The following CHMP4C variants were observed in gnomAD, a reference collection of about 807,000 sequenced individuals.
CHMP4C encodes SNF7 homolog associated with Alix 3.
CHMP4C carries 28 observed loss-of-function variants against 29.0 expected under a neutral mutation model. That is an observed-to-expected ratio of 0.97 (90% CI 0.72 to 1.32). The LOEUF (loss-of-function observed/expected upper bound fraction) is 1.32. Ranked by LOEUF, CHMP4C falls within the 40% of genes most tolerant of loss-of-function variation. CHMP4C has a pLI of 0.00. For missense variants in CHMP4C, 291 were observed against 281.0 expected (o/e 1.04, Z -0.25); for synonymous variants, 106 against 102.4 (o/e 1.04, Z -0.21).
At chr8:81,755,812 G>T (rs1244074938) in intron 3 of CHMP4C, among the ~76,000 whole-genome samples, 2 of 152,194 alleles carry the variant, frequency 1.3e-5, no homozygotes, top group Non-Finnish European at 2.9e-5. Flanking sequence ...AAACAAAGTA[G>T]ACTTCGTCAT....
chr8:81,734,465 G>T (rs1808659885), intron 1 of CHMP4C, among the ~76,000 whole-genome samples: 1 of 139,178 alleles, frequency 7.2e-6, no homozygotes, highest in Non-Finnish European at 1.6e-5. Flanking sequence ...CGAGTCGCTG[G>T]GATTACAGGC....
intron 1 of CHMP4C, among the ~76,000 whole-genome samples, chr8:81,747,034 C>T (rs1235116584): frequency 1.3e-5 from 2 of 152,182 alleles, no homozygotes; most frequent in East Asian, 1.9e-4. Context: ...CATAGCCTTA[C>T]ATGTGAATGA....
intron 1 of CHMP4C, among the ~76,000 whole-genome samples, chr8:81,748,010 A>G (rs1206855958): frequency 2.0e-5 from 3 of 152,098 alleles, no homozygotes; most frequent in African/African-American, 7.2e-5. Context: ...TGCAATCTCG[A>G]CCATAAAAGA....
chr8:81,746,393 A>G (rs781374312), intron 1 of CHMP4C, among the ~76,000 whole-genome samples: 19 of 152,230 alleles, frequency 1.2e-4, no homozygotes, highest in African/African-American at 1.9e-4. Flanking sequence ...TGCTGCTTCC[A>G]TTAGATCAGG....
At chr8:81,748,032 C>T (rs1013847456) in intron 1 of CHMP4C, among the ~76,000 whole-genome samples, 6 of 145,758 alleles carry the variant, frequency 4.1e-5, no homozygotes, top group South Asian at 2.2e-4. Flanking sequence ...AGGTACGCCC[C>T]GGGGCGGCCA....
chr8:81,753,084 A>G lies in CHMP4C; in HGVS notation c.211A>G (p.Arg71Gly), dbSNP rs1215596142. 3 of 1,610,640 alleles carry G rather than the reference A, an allele frequency of 1.9e-6. No individual in the cohort carries two copies. Among genetic ancestry groups the G allele is most frequent in the Non-Finnish European group, 1.7e-6 (2 of 1,178,370 alleles). Reference protein sequence around the residue: ...NKRAALQALKRKKRFEKQLTQ... With the variant: ...NKRAALQALKGKKRFEKQLTQ... ...TTTAGCTGCATTACAGGCACTAAAG[A>G]GAAAGAAGAGGTTCGAGAAACAGCT... is the stretch of plus-strand genomic sequence containing the variant. The change falls in exon 2 of 5, where the codon AGA becomes GGA. Residue 71 changes from arginine to glycine, a missense_variant. By Grantham distance (125) the Arg-to-Gly change is moderately radical (BLOSUM62 -2). Transcript: ENST00000297265.
chr8:81,753,168 TCA>T lies in CHMP4C; in HGVS notation c.301_302del (p.Thr101GlnfsTer3). The stretch of plus-strand genomic sequence containing the variant: ...GTTCCAGAGAGAAGCCCTGGAGAAC[TCA>T]CACACCAACACTGAGGTGTTGAGGA... ...IEFQREALEN[S>X]HTNTEVLRNM... On this transcript the variant is annotated frameshift_variant, in exon 2 of 5. Transcript: ENST00000297265. LOFTEE classifies it high-confidence loss of function. 6.2e-7 allele frequency: 1 copy of T among 1,612,588 alleles called. No homozygotes were observed. The highest frequency in any genetic ancestry group is 1.7e-5 in the Admixed American group (1 of 59,908).
At chr8:81,757,144 T>C (rs1306377040) in intron 3 of CHMP4C, among the ~76,000 whole-genome samples, 1 of 152,104 alleles carries the variant, frequency 6.6e-6, no homozygotes, top group East Asian at 1.9e-4. Flanking sequence ...TTATGTGCCT[T>C]CCCCCCACAT....
intron 3 of CHMP4C, among the ~76,000 whole-genome samples, chr8:81,757,505 G>T (rs1808986964): frequency 6.6e-6 from 1 of 152,132 alleles, no homozygotes; most frequent in Admixed American, 6.6e-5. Flanking sequence ...CATTTTTAAG[G>T]TCTCAAACTA....
At chr8:81,739,627 T>A (rs1333630233) in intron 1 of CHMP4C, among the ~76,000 whole-genome samples, 1 of 152,238 alleles carries the variant, frequency 6.6e-6, no homozygotes, top group Non-Finnish European at 1.5e-5. Context: ...ACCTGAGACA[T>A]GGGCACCTAG....
At chr8:81,733,655 G>C (rs889950856) in intron 1 of CHMP4C, among the ~76,000 whole-genome samples, 36 of 152,164 alleles carry the variant, frequency 2.4e-4, no homozygotes, top group African/African-American at 8.0e-4. Context: ...TTCTTTGCCA[G>C]AGTTAACTGA....
At chr8:81,733,310 C>T (rs1334156728) in intron 1 of CHMP4C, among the ~76,000 whole-genome samples, 1 of 151,916 alleles carries the variant, frequency 6.6e-6, no homozygotes, top group Non-Finnish European at 1.5e-5. Context: ...TGAGTGTTTT[C>T]GCACCCCTGT....
chr8:81,739,419 G>GC (rs1554592448), intron 1 of CHMP4C, among the ~76,000 whole-genome samples: 12 of 15,498 alleles, frequency 7.7e-4, no homozygotes, highest in African/African-American at 1.7e-3. Flanking sequence ...GGGGGATTGT[G>GC]GGGGGGGGTG....
rs776708924 is a variant in CHMP4C, at chr8:81,753,116, G to A, written c.243G>A (p.Gln81=). ...RKKRFEKQLT[Q]IDGTLSTIEF... ...AGAGGTTCGAGAAACAGCTCACTCA[G>A]ATTGATGGCACACTTTCTACCATTG... Residue 81 remains glutamine (Q), a synonymous_variant, in exon 2 of 5, where the codon CAG becomes CAA. Transcript: ENST00000297265. 15 of 1,612,728 alleles carry A rather than the reference G, an allele frequency of 9.3e-6. No individual in the cohort carries two copies. The highest frequency in any genetic ancestry group is 1.3e-5 in the Non-Finnish European group (15 of 1,179,224).
chr8:81,743,843 C>G (rs1230812528), intron 1 of CHMP4C, among the ~76,000 whole-genome samples: 2 of 152,148 alleles, frequency 1.3e-5, no homozygotes, highest in African/African-American at 4.8e-5. Context: ...ACCTTAATTT[C>G]CTTTGCCCGT....
Position 81,747,173 on chromosome 8 carries a change from T to G in CHMP4C, c.191-5891T>G, listed in dbSNP as rs193057832. Among the ~76,000 whole-genome samples the G allele has an allele frequency of 2.0e-3, 297 of 152,296 alleles. 2 individuals carry two copies. The highest frequency in any genetic ancestry group is 6.4e-3 in the African/African-American group (267 of 41,564). On this transcript the variant is annotated intron_variant, in intron 1 of 4. Coordinates refer to ENST00000297265, the MANE Select transcript of CHMP4C (RefSeq NM_152284.4). ...ATGAGTACAGGTCATGCATCACGAT[T>G]ATTACACACAGGTATTAAGTGGTTT...
Position 81,739,422 on chromosome 8 carries a change from G to GC in CHMP4C, c.190+6606_190+6607insC, listed in dbSNP as rs1554592463. Among the ~76,000 whole-genome samples the GC allele has an allele frequency of 1.7e-4, 24 of 143,358 alleles. 1 individual carries two copies. Among genetic ancestry groups the GC allele is most frequent in the Non-Finnish European group, 3.2e-4 (21 of 65,382 alleles). 94.0% of individuals were successfully genotyped at this position (143,358 alleles called of 152,430 possible). On this transcript the variant is annotated intron_variant, in intron 1 of 4. Transcript: ENST00000297265. ...ATTCTAAGGCCTGGGGGATTGTGGG[G>GC]GGGGGTGGAAAAAAAAAAAGTCTTA...
At chr8:81,745,453 A>G (rs990127840) in intron 1 of CHMP4C, among the ~76,000 whole-genome samples, 7 of 152,188 alleles carry the variant, frequency 4.6e-5, no homozygotes, top group Non-Finnish European at 1.0e-4. Flanking sequence ...TCCACCCCAA[A>G]GGAACGAAGA....
At chr8:81,743,393 A>G (rs1015355271) in intron 1 of CHMP4C, among the ~76,000 whole-genome samples, 1 of 151,962 alleles carries the variant, frequency 6.6e-6, no homozygotes, top group African/African-American at 2.4e-5. Flanking sequence ...ATTCTAGATG[A>G]TAACAGGCCC....
Sources: gnomAD v4.1 joint callset for allele counts (sites outside exome capture counted in the v4.1 genomes callset) on GRCh38, gnomAD v4.1.1 for gene constraint, MANE v1.5 for transcripts, NCBI Gene and HGNC (gene_info 2026-07-23, HGNC 2026-07-21) for gene names.